The following ELP4 variants were observed in gnomAD, a reference collection of about 807,000 sequenced individuals.
ELP4 encodes the protein elongator complex protein 4.
Under a neutral mutation model 48.9 loss-of-function variants are expected in ELP4, and 51 were observed. The observed-to-expected ratio is 1.04, with a 90% CI of 0.83 to 1.32. The LOEUF (loss-of-function observed/expected upper bound fraction) is 1.32, where lower values mean the gene tolerates loss of function less well. Ranked by LOEUF, ELP4 falls within the 40% of genes most tolerant of loss-of-function variation. The pLI, the probability that ELP4 is intolerant of heterozygous loss-of-function variation, is 0.00. For missense variants in ELP4, 519 were observed against 514.6 expected, an observed-to-expected ratio of 1.01 and a Z score of -0.08; for synonymous variants, 210 against 189.2, an observed-to-expected ratio of 1.11 and a Z score of -0.90.
At chr11:31,534,492 G>T (rs191407051) in intron 2 of ELP4, among the ~76,000 whole-genome samples, 1 of 152,150 alleles carries the variant, frequency 6.6e-6, no homozygotes, top group African/African-American at 2.4e-5. Context: ...TGGTAAGGGG[G>T]TATAGCTATG....
At chr11:31,690,155 G>A (rs1946246631) in intron 9 of ELP4, among the ~76,000 whole-genome samples, 1 of 152,204 alleles carries the variant, frequency 6.6e-6, no homozygotes, top group Admixed American at 6.5e-5. Context: ...GCTTATGCAA[G>A]ATCAAATGTC....
intron 3 of ELP4, among the ~76,000 whole-genome samples, chr11:31,549,667 G>A (rs941101536): frequency 2.0e-5 from 3 of 152,054 alleles, no homozygotes; most frequent in Non-Finnish European, 2.9e-5. Flanking sequence ...AAATCATGCT[G>A]CTATAAAGAC....
At chr11:31,622,574 C>G (rs1410363987) in intron 5 of ELP4, among the ~76,000 whole-genome samples, 1 of 151,196 alleles carries the variant, frequency 6.6e-6, no homozygotes, top group African/African-American at 2.4e-5. Context: ...TTTTATCTTT[C>G]TTAATAAGAT....
intron 2 of ELP4, among the ~76,000 whole-genome samples, chr11:31,538,320 ATATAAT>A (rs1413663419): frequency 8.8e-5 from 13 of 148,450 alleles, no homozygotes; most frequent in Non-Finnish European, 1.8e-4. Context: ...AGTAATGACA[ATATAAT>A]TATAATTACT....
intron 2 of ELP4, among the ~76,000 whole-genome samples, chr11:31,521,566 A>G (rs1330992305): frequency 6.6e-6 from 1 of 152,140 alleles, no homozygotes; most frequent in African/African-American, 2.4e-5. Flanking sequence ...CAAGTAGTAA[A>G]GTAAAACTCA....
At chr11:31,624,832 G>A (rs918376807) in intron 5 of ELP4, among the ~76,000 whole-genome samples, 2 of 151,512 alleles carry the variant, frequency 1.3e-5, no homozygotes, top group African/African-American at 2.4e-5. Context: ...TAAGACACAA[G>A]CACACACATT....
rs376366771 is a variant in ELP4, at chr11:31,574,247, C to T, written c.382-20523C>T. 2.6e-5 allele frequency among the ~76,000 whole-genome samples: 4 copies of T among 152,278 alleles called. No individual in the cohort carries two copies. The East Asian group carries it at 5.8e-4, about 22-fold the overall frequency. ...GCAGCGAGGCTGGGGGAGGGACGTC[C>T]ACCATTGCTGAGGCTTGAGTAGGTA... is the stretch of plus-strand genomic sequence containing the variant. On this transcript the variant is annotated intron_variant, in intron 3 of 9. Coordinates refer to ENST00000640961, the MANE Select transcript of ELP4 (RefSeq NM_019040.5).
At chr11:31,545,183 T>C (rs2089041358) in intron 3 of ELP4, among the ~76,000 whole-genome samples, 3 of 152,144 alleles carry the variant, frequency 2.0e-5, no homozygotes, top group African/African-American at 4.8e-5. Flanking sequence ...ACGATCAAAC[T>C]ACGAGCTACA....
chr11:31,595,052 T>C, intron 4 of ELP4, 151 bp downstream of exon 4: 1 of 619,756 alleles, frequency 1.6e-6, no homozygotes, highest in Admixed American at 4.5e-5. Context: ...ATCTATTTCT[T>C]ACAAATAAAA....
intron 9 of ELP4, among the ~76,000 whole-genome samples, chr11:31,700,613 T>G (rs7104309): frequency 0.021 from 3,144 of 152,166 alleles, 105 homozygotes; most frequent in African/African-American, 0.072. Context: ...CCAAGATCTC[T>G]TGATTCCCTC....
rs369407438 is a variant in ELP4 at position 31,740,005 on chromosome 11, G to A, written c.1144-43388G>A. Among the ~76,000 whole-genome samples, 26 of 152,326 alleles carry A rather than the reference G, an allele frequency of 1.7e-4. No homozygotes were observed. The East Asian group carries it at 4.2e-3, about 25-fold the overall frequency. On this transcript the variant is annotated intron_variant, in intron 9 of 9. Coordinates refer to ENST00000640961, the MANE Select transcript of ELP4 (RefSeq NM_019040.5). ...ATTCATAGACATGCTTTGCTCTGAA[G>A]CTTTAAATCAGCAAACACGGTTGCC...
chr11:31,702,645 A>AACCTTAACCTT (rs1946549985), intron 9 of ELP4, among the ~76,000 whole-genome samples: 1 of 152,086 alleles, frequency 6.6e-6, no homozygotes, highest in Non-Finnish European at 1.5e-5. Flanking sequence ...CATAGACATT[A>AACCTTAACCTT]GTTAGCATTT....
chr11:31,635,369 C>T (rs1447759449), intron 7 of ELP4, among the ~76,000 whole-genome samples: 1 of 151,814 alleles, frequency 6.6e-6, no homozygotes, highest in Non-Finnish European at 1.5e-5. Context: ...TCATAATAAC[C>T]CTGTATGGTT....
intron 2 of ELP4, among the ~76,000 whole-genome samples, chr11:31,537,310 C>G (rs548544543): frequency 1.0e-3 from 152 of 152,212 alleles, no homozygotes; most frequent in African/African-American, 3.6e-3. Flanking sequence ...TGTCAAAAAC[C>G]GATTGTATGG....
At chr11:31,590,673 G>C (rs1275845932) in intron 3 of ELP4, among the ~76,000 whole-genome samples, 1 of 152,190 alleles carries the variant, frequency 6.6e-6, no homozygotes, top group African/African-American at 2.4e-5. Context: ...AGTGGCTTAT[G>C]CTTCTGAGGA....
chr11:31,742,757 A>G (rs1947484466), intron 9 of ELP4, among the ~76,000 whole-genome samples: 1 of 152,212 alleles, frequency 6.6e-6, no homozygotes. Context: ...GAAGCACTAA[A>G]CATGGAAAGG....
At chr11:31,576,087 T>C (rs1435883037) in intron 3 of ELP4, among the ~76,000 whole-genome samples, 2 of 152,134 alleles carry the variant, frequency 1.3e-5, no homozygotes, top group African/African-American at 2.4e-5. Context: ...AATAAAGGGA[T>C]AGAAGAAGAT....
At chr11:31,661,147 C>A in intron 9 of ELP4, among the ~76,000 whole-genome samples, 1 of 151,962 alleles carries the variant, frequency 6.6e-6, no homozygotes, top group South Asian at 2.1e-4. Flanking sequence ...CACACACCCC[C>A]TTAATATTTT....
At chr11:31,531,353 A>G (rs989951159) in intron 2 of ELP4, among the ~76,000 whole-genome samples, 1 of 152,264 alleles carries the variant, frequency 6.6e-6, no homozygotes, top group Non-Finnish European at 1.5e-5. Flanking sequence ...TAGAGATACA[A>G]TAATAGGATG....
Sources: gnomAD v4.1 joint callset for allele counts (sites outside exome capture counted in the v4.1 genomes callset) on GRCh38, gnomAD v4.1.1 for gene constraint, MANE v1.5 for transcripts, NCBI Gene and HGNC (gene_info 2026-07-23, HGNC 2026-07-21) for gene names.